Variants in HSH2D observed in about 807,000 individuals in gnomAD.
HSH2D encodes the protein hematopoietic SH2 domain containing, also known as hematopoietic SH2 domain-containing protein.
In HSH2D, 16 loss-of-function variants were observed where a neutral mutation model predicts 21.5. That is an observed-to-expected ratio of 0.74 (90% confidence interval 0.50 to 1.13). The LOEUF is 1.13. HSH2D is among the 50% of genes most tolerant of loss of function. The probability of loss-of-function intolerance (pLI) is 0.00; values close to 1 mark genes in which losing one functional copy is unlikely to be tolerated. For synonymous variants in HSH2D, 172 were observed against 184.7 expected, an observed-to-expected ratio of 0.93 and a Z score of 0.56; for missense variants, 418 against 441.4, an observed-to-expected ratio of 0.95 and a Z score of 0.47.
chr19:16,146,492 AG>A (rs1468957001), intron 1 of HSH2D, among the ~76,000 whole-genome samples: 1 of 152,140 alleles, frequency 6.6e-6, no homozygotes, highest in Non-Finnish European at 1.5e-5. Context: ...ACTGGACAAC[AG>A]AGCAAGACCC....
chr19:16,137,370 A>G (rs545074744), intron 1 of HSH2D, among the ~76,000 whole-genome samples: 10 of 152,138 alleles, frequency 6.6e-5, no homozygotes, highest in African/African-American at 2.2e-4. Flanking sequence ...GCTCACACCT[A>G]TAATCCCAGC....
At chr19:16,140,882 C>A (rs1186964174), upstream of HSH2D, among the ~76,000 whole-genome samples, 1 of 151,624 alleles carries the variant, frequency 6.6e-6, no homozygotes, top group African/African-American at 2.4e-5. Context: ...GTGAGGGGAC[C>A]CTACTCAAAA....
chr19:16,138,978 C>A (rs1165022502), upstream of HSH2D, among the ~76,000 whole-genome samples: 2 of 152,168 alleles, frequency 1.3e-5, no homozygotes, highest in Non-Finnish European at 2.9e-5. Context: ...CTGCCTCAGC[C>A]TCCTGAGTAT....
chr19:16,147,691 G>A (rs1005533624), intron 1 of HSH2D, among the ~76,000 whole-genome samples: 1 of 151,662 alleles, frequency 6.6e-6, no homozygotes, highest in Non-Finnish European at 1.5e-5. Context: ...TGTTGCCCAG[G>A]CTGGAGTGCA....
Position 16,152,616 on chromosome 19 carries a change from C to T in HSH2D, c.190C>T (p.His64Tyr), listed in dbSNP as rs2091174185. 1 of 1,524,464 alleles carries T rather than the reference C, an allele frequency of 6.6e-7. No homozygotes were observed. The highest frequency in any genetic ancestry group is 8.8e-7 in the Non-Finnish European group (1 of 1,138,924). The allele number at this position is 1,524,464 out of a possible 1,614,324, so 94.4% of individuals were successfully genotyped here. ...GSFLIRVSHS[H>Y]VGYTLSYKAQ... ...CTTTCTCATCAGGGTCAGTCACAGC[C>T]ATGTGGGCTACACACTCTCCTACAA... is the stretch of plus-strand genomic sequence containing the variant. Residue 64 changes from histidine (H) to tyrosine (Y), a missense_variant, in exon 3 of 6, where the codon CAT (histidine) becomes TAT (tyrosine). Physicochemically the swap from His to Tyr is moderately conservative, Grantham distance 83. Coordinates refer to ENST00000613986, the MANE Select transcript of HSH2D (RefSeq NM_001382417.1).
chr19:16,155,369 C>A (rs2091223747), intron 5 of HSH2D, among the ~76,000 whole-genome samples: 1 of 152,084 alleles, frequency 6.6e-6, no homozygotes, highest in African/African-American at 2.4e-5. Context: ...TACACACAGA[C>A]ACAGGGAGGA....
At chr19:16,143,894 G>A in intron 1 of HSH2D, 120 bp downstream of exon 1, 1 of 270,968 alleles carries the variant, frequency 3.7e-6, no homozygotes, top group African/African-American at 2.3e-5. Context: ...AGGGGCATGG[G>A]GGAGAGCTTC....
At chr19:16,138,678 G>A (rs551318086) in intron 1 of HSH2D, among the ~76,000 whole-genome samples, 15 of 152,074 alleles carry the variant, frequency 9.9e-5, no homozygotes, top group African/African-American at 2.7e-4. Context: ...GGCTGGTCTC[G>A]ATCCCTTGAC....
At chr19:16,136,204 C>G (rs1313439172) in intron 1 of HSH2D, among the ~76,000 whole-genome samples, 1 of 152,166 alleles carries the variant, frequency 6.6e-6, no homozygotes, top group African/African-American at 2.4e-5. Context: ...CAAAAGTCAC[C>G]CCCTGCCACG....
chr19:16,147,201 A>G (rs1358494144), intron 1 of HSH2D, among the ~76,000 whole-genome samples: 1 of 152,026 alleles, frequency 6.6e-6, no homozygotes, highest in Non-Finnish European at 1.5e-5. Context: ...AATGGCATAA[A>G]AGGCTGGGCA....
upstream of HSH2D, among the ~76,000 whole-genome samples, chr19:16,143,184 A>G (rs10404979): frequency 0.058 from 8,881 of 151,998 alleles, 813 homozygotes; most frequent in African/African-American, 0.19. Flanking sequence ...TCCCGGGTTC[A>G]AGCAATTCTT....
intron 1 of HSH2D, among the ~76,000 whole-genome samples, chr19:16,145,061 CAG>C (rs1488801407): frequency 6.5e-5 from 8 of 123,248 alleles, no homozygotes; most frequent in African/African-American, 2.7e-4. Flanking sequence ...TTTTGTGAGA[CAG>C]AGTTTCGCTC....
At chr19:16,144,280 G>C (rs988392353) in intron 1 of HSH2D, among the ~76,000 whole-genome samples, 4 of 151,982 alleles carry the variant, frequency 2.6e-5, no homozygotes, top group Non-Finnish European at 5.9e-5. Context: ...AGACACTCTA[G>C]CTCCATGGAG....
intron 1 of HSH2D, chr19:16,134,237 TG>T (rs1172808483): frequency 1.3e-5 from 2 of 152,058 alleles, no homozygotes; most frequent in Admixed American, 1.3e-4. Context: ...TAACAACAGG[TG>T]TGTAATGTGT....
chr19:16,151,701 A>G lies in HSH2D; in HGVS notation c.126-851A>G, dbSNP rs182309252. ...TCTGGCCTGAGATCAAGGTCATCAG[A>G]CGCCTCCTAGCTCCTCGGGGGGAAC... On this transcript the variant is annotated intron_variant, in intron 2 of 5. Transcript: ENST00000613986. 294 of 398,332 alleles carry G rather than the reference A, an allele frequency of 7.4e-4. 1 individual carries two copies. Among genetic ancestry groups the G allele is most frequent in the African/African-American group, 6.1e-3 (280 of 46,158 alleles). 24.7% of individuals were successfully genotyped at this position (398,332 alleles called of 1,614,324 possible). A position where few individuals can be genotyped will look rare whatever the true frequency, so the allele number is the denominator to read the frequency against.
chr19:16,153,202 C>T lies in HSH2D; in HGVS notation c.375C>T (p.Cys125=). The part of the protein sequence containing the change: ...EPRRELLTQP[C]RQKDPANVDY... ...GCAGGGAGCTGCTGACACAGCCCTG[C>T]AGGCAGGTGAGGGCGGGGACCCACA... Residue 125 remains cysteine, a synonymous_variant, in exon 4 of 6, where the codon TGC becomes TGT. Transcript: ENST00000613986. 4 of 1,539,168 alleles carry T rather than the reference C, an allele frequency of 2.6e-6. No homozygotes were observed.
chr19:16,137,719 C>A (rs942565755), intron 1 of HSH2D, among the ~76,000 whole-genome samples: 1 of 152,060 alleles, frequency 6.6e-6, no homozygotes, highest in East Asian at 1.9e-4. Flanking sequence ...GTAGCTGGTA[C>A]TACAGGTGCA....
In HSH2D at chr19:16,157,655, G is replaced by A. The variant is rs772227956; in HGVS notation, c.920G>A (p.Arg307Lys). The A allele has an allele frequency of 1.2e-6, 2 of 1,613,572 alleles. No individual in the cohort carries two copies. Among genetic ancestry groups the A allele is most frequent in the South Asian group, 2.2e-5 (2 of 91,048 alleles). ...TGCATTGAGGTGACCCCAGGGGACA[G>A]GAGTTGGCACCAAATGGTAGTGAGA... ...VSCIEVTPGDRSWHQMVVRAL... is the reference protein window; with the variant it reads ...VSCIEVTPGDKSWHQMVVRAL... The change falls in exon 6 of 6, where the codon AGG becomes AAG. Residue 307 changes from arginine (R) to lysine (K), a missense_variant. Coordinates refer to ENST00000613986, the MANE Select transcript of HSH2D (RefSeq NM_001382417.1). This position sits in a 1 kb window ranked among gnomAD's most constrained non-coding sequence, Gnocchi z 4.4.
At chr19:16,142,725 A>G (rs1282899853), upstream of HSH2D, among the ~76,000 whole-genome samples, 1 of 152,108 alleles carries the variant, frequency 6.6e-6, no homozygotes, top group African/African-American at 2.4e-5. Flanking sequence ...GGCCTCCCAA[A>G]GTGCTGGGAT....
Sources: allele counts gnomAD v4.1 joint callset (sites outside exome capture counted in the v4.1 genomes callset), GRCh38; gene constraint gnomAD v4.1.1; non-coding constraint Gnocchi (gnomAD v3.1); transcripts MANE v1.5; gene names NCBI Gene and HGNC (gene_info 2026-07-23, HGNC 2026-07-21).